Variants in SGTB observed in about 807,000 individuals in gnomAD.
SGTB encodes the protein small glutamine-rich tetratricopeptide repeat-containing protein beta.
A neutral mutation model predicts 43.9 loss-of-function variants in SGTB; 19 were observed. The ratio of observed to expected loss-of-function variants is 0.43; its 90% CI spans 0.30 to 0.63. The LOEUF (loss-of-function observed/expected upper bound fraction) is 0.63, where lower values mean the gene tolerates loss of function less well. Among genes scored for constraint, SGTB ranks in the 30% least tolerant of loss-of-function variants. The probability of loss-of-function intolerance (pLI) is 0.12; values close to 1 mark genes in which losing one functional copy is unlikely to be tolerated. For synonymous variants in SGTB, 116 were observed against 117.3 expected (o/e 0.99, Z 0.07); for missense variants, 304 against 358.9 (o/e 0.85, Z 1.24).
intron 8 of SGTB, among the ~76,000 whole-genome samples, chr5:65,676,670 C>G (rs1361833369): frequency 1.3e-5 from 2 of 152,090 alleles, no homozygotes; most frequent in Non-Finnish European, 2.9e-5. Flanking sequence ...CTCAAAACCA[C>G]ACAACTACAT....
upstream of SGTB, chr5:65,722,411 G>T (rs745641698): frequency 6.3e-7 from 1 of 1,589,354 alleles, no homozygotes; most frequent in Admixed American, 1.7e-5. Flanking sequence ...CGAAGCCTCC[G>T]CAGGTACCTC....
At chr5:65,687,476 T>C (rs1757521222) in intron 5 of SGTB, among the ~76,000 whole-genome samples, 1 of 152,234 alleles carries the variant, frequency 6.6e-6, no homozygotes, top group South Asian at 2.1e-4. Flanking sequence ...CTCATATTTA[T>C]GCTTGGCCTT....
upstream of SGTB, chr5:65,722,278 G>T: frequency 1.1e-6 from 1 of 950,402 alleles, no homozygotes; most frequent in South Asian, 1.8e-5. Flanking sequence ...CGGCTAGGCC[G>T]GCTCGAGACT....
chr5:65,720,114 G>A (rs865969067), intron 2 of SGTB, among the ~76,000 whole-genome samples: 3 of 136,170 alleles, frequency 2.2e-5, no homozygotes, highest in South Asian at 4.4e-4. Context: ...ATAGGGTCTC[G>A]CTCATGGCCC....
intron 4 of SGTB, among the ~76,000 whole-genome samples, chr5:65,706,401 C>G (rs1214819440): frequency 6.6e-6 from 1 of 152,148 alleles, no homozygotes; most frequent in East Asian, 1.9e-4. Context: ...TAAAACTGTA[C>G]TGTATGTCTT....
chr5:65,666,984 A>G lies in SGTB; in HGVS notation c.*3262T>C, dbSNP rs1233045743. On this transcript the variant is annotated 3_prime_UTR_variant, in exon 11 of 11. Coordinates refer to ENST00000381007, the MANE Select transcript of SGTB (RefSeq NM_019072.3). Reference sequence around the variant, plus strand: ...TCCTGGAAGAGATTGTTTAGAATTGATATTATTTCTCCCTTAAGTGTTTGG... The same window carrying G: ...TCCTGGAAGAGATTGTTTAGAATTGGTATTATTTCTCCCTTAAGTGTTTGG... 1 of 152,116 alleles carries G rather than the reference A, an allele frequency of 6.6e-6. No homozygotes were observed. The highest frequency in any genetic ancestry group is 2.4e-5 in the African/African-American group (1 of 41,422). The allele number at this position is 152,116 out of a possible 1,614,324, so 9.4% of individuals were successfully genotyped here.
intron 5 of SGTB, among the ~76,000 whole-genome samples, chr5:65,692,200 A>C (rs1377713905): frequency 1.3e-5 from 2 of 152,198 alleles, no homozygotes; most frequent in Non-Finnish European, 2.9e-5. Flanking sequence ...ATATATGTAA[A>C]GGAAACGATA....
chr5:65,712,866 A>T, intron 3 of SGTB, 95 bp downstream of exon 3: 2 of 841,580 alleles, frequency 2.4e-6, no homozygotes, highest in South Asian at 3.4e-5. Context: ...GGATGAAGTT[A>T]ATTACTCATA....
intron 8 of SGTB, among the ~76,000 whole-genome samples, chr5:65,673,963 G>C (rs1037349399): frequency 2.3e-4 from 35 of 152,086 alleles, no homozygotes; most frequent in African/African-American, 8.0e-4. Context: ...GGCCTATAGT[G>C]CTTCTTTATC....
At chr5:65,708,346 C>T in intron 4 of SGTB, 143 bp downstream of exon 4, 1 of 629,148 alleles carries the variant, frequency 1.6e-6, no homozygotes, top group South Asian at 2.2e-5. Flanking sequence ...TTACCCATCA[C>T]ATTCATTTCT....
At chr5:65,702,045 TAC>T (rs2150717388) in intron 5 of SGTB, among the ~76,000 whole-genome samples, 1 of 152,226 alleles carries the variant, frequency 6.6e-6, no homozygotes, top group East Asian at 1.9e-4. Flanking sequence ...AGTTGGACAG[TAC>T]AGATATAGAA....
chr5:65,716,822 G>A (rs1288613688), intron 2 of SGTB, among the ~76,000 whole-genome samples: 1 of 152,040 alleles, frequency 6.6e-6, no homozygotes, highest in Non-Finnish European at 1.5e-5. Flanking sequence ...TTGGGAAATA[G>A]CATATAAATA....
rs990053939 is a variant in SGTB at position 65,670,194 on chromosome 5, T to G, written c.*52A>C. On this transcript the variant is annotated 3_prime_UTR_variant, in exon 11 of 11. Coordinates refer to ENST00000381007, the MANE Select transcript of SGTB (RefSeq NM_019072.3). ...AGGGGGTACTATCTACAACAAATAC[T>G]TCATTCATAGCCATAAACCATTTGT... is the stretch of plus-strand genomic sequence containing the variant. The G allele has an allele frequency of 4.6e-6, 7 of 1,537,284 alleles. No homozygotes were observed. The African/African-American group carries it at 9.5e-5, about 21-fold the overall frequency.
chr5:65,675,697 T>A (rs374274318), intron 8 of SGTB, among the ~76,000 whole-genome samples: 42 of 152,218 alleles, frequency 2.8e-4, no homozygotes, highest in African/African-American at 9.4e-4. Context: ...ATATTCAACA[T>A]CCTTAAAAGA....
chr5:65,710,990 T>A (rs1355721514), intron 3 of SGTB, among the ~76,000 whole-genome samples: 1 of 125,710 alleles, frequency 8.0e-6, no homozygotes. Context: ...GACAAGACTC[T>A]GTCTCAAAAA....
At chr5:65,720,142 T>G (rs1758233440) in intron 2 of SGTB, among the ~76,000 whole-genome samples, 1 of 149,782 alleles carries the variant, frequency 6.7e-6, no homozygotes, top group African/African-American at 2.5e-5. Flanking sequence ...AGTGCAGTGG[T>G]GTGATCTCAG....
intron 5 of SGTB, among the ~76,000 whole-genome samples, chr5:65,692,065 T>C (rs891254882): frequency 1.3e-5 from 2 of 151,814 alleles, no homozygotes; most frequent in Admixed American, 6.6e-5. Context: ...ACATATTGAA[T>C]AGCGAATTTT....
intron 5 of SGTB, among the ~76,000 whole-genome samples, chr5:65,702,211 A>G (rs1757838997): frequency 2.0e-5 from 3 of 152,172 alleles, no homozygotes; most frequent in South Asian, 4.1e-4. Context: ...AGCCACTACC[A>G]TCCCTAAGAC....
At chr5:65,703,149 A>C (rs1757854031) in intron 5 of SGTB, among the ~76,000 whole-genome samples, 1 of 152,198 alleles carries the variant, frequency 6.6e-6, no homozygotes, top group African/African-American at 2.4e-5. Context: ...TTATATGATA[A>C]TATTGAAAAA....
Sources: gnomAD v4.1 joint callset for allele counts (sites outside exome capture counted in the v4.1 genomes callset) on GRCh38, gnomAD v4.1.1 for gene constraint, MANE v1.5 for transcripts, NCBI Gene and HGNC (gene_info 2026-07-23, HGNC 2026-07-21) for gene names.